Variants in MPDZ observed in about 807,000 individuals in gnomAD.
MPDZ encodes multiple PDZ domain crumbs cell polarity complex component.
Under a neutral mutation model 239.1 loss-of-function variants are expected in MPDZ, and 234 were observed. The ratio of observed to expected loss-of-function variants is 0.98; its 90% CI spans 0.88 to 1.09. The LOEUF (loss-of-function observed/expected upper bound fraction) is 1.09, where lower values mean the gene tolerates loss of function less well. Ranked by LOEUF, MPDZ falls within the 50% of genes least tolerant of loss-of-function variation. The probability of loss-of-function intolerance (pLI) is 0.00; values close to 1 mark genes in which losing one functional copy is unlikely to be tolerated. For synonymous variants in MPDZ, 1,048 were observed against 881.3 expected (o/e 1.19, Z -3.35); for missense variants, 3,175 against 2,510.0 (o/e 1.26, Z -5.66).
Position 13,186,515 on chromosome 9 carries a change from G to A in MPDZ, c.2365-129C>T, listed in dbSNP as rs559368491. 135 of 625,254 alleles carry A rather than the reference G, an allele frequency of 2.2e-4. 2 individuals carry two copies. The African/African-American group carries it at 2.2e-3, about 10-fold the overall frequency. The allele number at this position is 625,254 out of a possible 1,614,324, so 38.7% of individuals were successfully genotyped here. A position where few individuals can be genotyped will look rare whatever the true frequency, so the allele number is the denominator to read the frequency against. Reference sequence around the variant, plus strand: ...GAAAGAAATTGGAAAGTTTTCAAACGATATGACTTCAACATAGAATGGTAA... The same window carrying A: ...GAAAGAAATTGGAAAGTTTTCAAACAATATGACTTCAACATAGAATGGTAA... On this transcript the variant is annotated intron_variant, in intron 17 of 46. Coordinates refer to ENST00000319217, the MANE Select transcript of MPDZ (RefSeq NM_001378778.1).
At chr9:13,250,485 G>T (rs1227510518) in intron 1 of MPDZ, 113 bp from the exon 2 acceptor site, 1 of 589,622 alleles carries the variant, frequency 1.7e-6, no homozygotes, top group Non-Finnish European at 2.9e-6. Context: ...TTAAAATCTT[G>T]TTGATACAAC....
chr9:13,253,639 C>A (rs952327400), intron 1 of MPDZ, among the ~76,000 whole-genome samples: 1 of 152,152 alleles, frequency 6.6e-6, no homozygotes, highest in Non-Finnish European at 1.5e-5. Flanking sequence ...GGGTCATGGC[C>A]AACTGGCATG....
rs191190036 is a variant in MPDZ at position 13,224,556 on chromosome 9, T to A, written c.211A>T (p.Asn71Tyr). ...TGAGGAACGTGGGCATATTCAATAT[T>A]TGAAGTTGCTGAAGTTGCAATATTT... ...QVNIATSATS[N>Y]IEYAHVPHLS... is the part of the protein sequence containing the mutation. The change falls in exon 4 of 47, where the codon AAT (asparagine) becomes TAT (tyrosine). Residue 71 changes from asparagine (N) to tyrosine (Y), a missense_variant. By Grantham distance (143) the Asn-to-Tyr change is moderately radical. Coordinates refer to ENST00000319217, the MANE Select transcript of MPDZ (RefSeq NM_001378778.1). 1.2e-6 allele frequency: 2 copies of A among 1,611,040 alleles called. No homozygotes were observed. Among genetic ancestry groups the A allele is most frequent in the East Asian group, 4.5e-5 (2 of 44,746 alleles).
At chr9:13,231,770 T>C (rs1339306723) in intron 3 of MPDZ, among the ~76,000 whole-genome samples, 1 of 151,866 alleles carries the variant, frequency 6.6e-6, no homozygotes, top group Non-Finnish European at 1.5e-5. Context: ...ATAACCTCAA[T>C]TGCCAACTCT....
intron 46 of MPDZ, among the ~76,000 whole-genome samples, chr9:13,108,504 T>C (rs1470519416): frequency 6.6e-6 from 1 of 152,114 alleles, no homozygotes; most frequent in African/African-American, 2.4e-5. Context: ...AAATAAATGC[T>C]TATTAATTTT....
At chr9:13,263,112 G>A (rs969747123) in intron 1 of MPDZ, among the ~76,000 whole-genome samples, 25 of 152,100 alleles carry the variant, frequency 1.6e-4, no homozygotes, top group African/African-American at 5.8e-4. Context: ...TGCATAAAAT[G>A]ATATAATGTC....
chr9:13,224,661 G>T, intron 3 of MPDZ, 78 bp from the exon 4 acceptor site: 1 of 964,960 alleles, frequency 1.0e-6, no homozygotes, highest in Non-Finnish European at 1.5e-6. Flanking sequence ...AGGGTACAAG[G>T]ACATACAAAT....
chr9:13,157,965 T>C lies in MPDZ; in HGVS notation c.3452+53A>G, dbSNP rs969270049. On this transcript the variant is annotated intron_variant, in intron 24 of 46. Coordinates refer to ENST00000319217, the MANE Select transcript of MPDZ (RefSeq NM_001378778.1). The stretch of plus-strand genomic sequence containing the variant: ...CAGTACTTGAAACCACACCTGCTTA[T>C]CTTTAAACACTATATATCCATTGGG... 1.6e-5 allele frequency: 24 copies of C among 1,487,990 alleles called. No individual in the cohort carries two copies. In the South Asian group the frequency reaches 2.0e-4, roughly 12 times the overall value. 92.2% of individuals were successfully genotyped at this position (1,487,990 alleles called of 1,614,324 possible).
chr9:13,264,054 A>G (rs1971277775), intron 1 of MPDZ, among the ~76,000 whole-genome samples: 2 of 152,178 alleles, frequency 1.3e-5, no homozygotes, highest in South Asian at 4.1e-4. Flanking sequence ...TTTTCCTATT[A>G]ATTTTCTAAT....
rs938355737 is a variant in MPDZ at position 13,166,813 on chromosome 9, G to C, written c.3254+1553C>G. 7.2e-5 allele frequency among the ~76,000 whole-genome samples: 11 copies of C among 152,012 alleles called. No homozygotes were observed. The East Asian group carries it at 2.1e-3, about 29-fold the overall frequency. On this transcript the variant is annotated intron_variant, in intron 22 of 46. Coordinates refer to ENST00000319217, the MANE Select transcript of MPDZ (RefSeq NM_001378778.1). ...ATACACAACAAAAAAATGAGGAAAG[G>C]GGAAAAAAGACTTTGAGCCTGAAAA...
At position 13,112,955 on chromosome 9, in the gene MPDZ, T is replaced by C. The variant is rs2131202688; in HGVS notation, c.5601+56A>G. 5 of 1,447,400 alleles carry C rather than the reference T, an allele frequency of 3.5e-6. No individual in the cohort carries two copies. In the South Asian group the frequency reaches 3.7e-5, roughly 11 times the overall value. 89.7% of individuals were successfully genotyped at this position (1,447,400 alleles called of 1,614,324 possible). A position where few individuals can be genotyped will look rare whatever the true frequency, so the allele number is the denominator to read the frequency against. ...GTAAGAAAGTTAACAAGAAAACACATATGAAGATGTCTCTTAAAACGCCAG... is the reference window on the plus strand; with the variant it reads ...GTAAGAAAGTTAACAAGAAAACACACATGAAGATGTCTCTTAAAACGCCAG... On this transcript the variant is annotated intron_variant, in intron 42 of 46. Coordinates refer to ENST00000319217, the MANE Select transcript of MPDZ (RefSeq NM_001378778.1).
chr9:13,257,239 T>C (rs139418854), intron 1 of MPDZ, among the ~76,000 whole-genome samples: 1 of 152,280 alleles, frequency 6.6e-6, no homozygotes, highest in Non-Finnish European at 1.5e-5. Flanking sequence ...GCTAGGCAAG[T>C]GCAGTTTATA....
intron 1 of MPDZ, among the ~76,000 whole-genome samples, chr9:13,265,805 G>C (rs1035792022): frequency 6.6e-6 from 1 of 152,234 alleles, no homozygotes; most frequent in Middle Eastern, 3.4e-3. Flanking sequence ...TGACTGAGTG[G>C]CTCCTCAGGG....
intron 1 of MPDZ, among the ~76,000 whole-genome samples, chr9:13,274,183 T>C (rs973089756): frequency 7.2e-5 from 11 of 152,170 alleles, no homozygotes; most frequent in African/African-American, 2.7e-4. Context: ...TTTACTAAAA[T>C]AAATAATTAC....
chr9:13,175,635 A>G (rs1952369655), intron 21 of MPDZ, 117 bp downstream of exon 21: 1 of 1,095,896 alleles, frequency 9.1e-7, no homozygotes, highest in African/African-American at 1.6e-5. Flanking sequence ...ACTACAGGAA[A>G]ATTTCTACCA....
chr9:13,235,288 A>T (rs1389752), intron 3 of MPDZ, among the ~76,000 whole-genome samples: 125,890 of 152,122 alleles, frequency 0.83, 52,540 homozygotes, highest in East Asian at 0.99. Flanking sequence ...ATGAGACACA[A>T]AATGGAGCAA....
chr9:13,109,442 G>A (rs1447018762), intron 45 of MPDZ, among the ~76,000 whole-genome samples: 1 of 152,114 alleles, frequency 6.6e-6, no homozygotes, highest in African/African-American at 2.4e-5. Flanking sequence ...AGCTCAGAGA[G>A]AAAAATCAAT....
chr9:13,223,889 G>T (rs891414053), intron 4 of MPDZ, among the ~76,000 whole-genome samples, 179 bp from the exon 5 acceptor site: 5 of 151,822 alleles, frequency 3.3e-5, no homozygotes, highest in Admixed American at 2.6e-4. Flanking sequence ...ATAAAACTTA[G>T]TAAGTGTGGT....
chr9:13,114,086 T>C, intron 40 of MPDZ, 65 bp from the exon 41 acceptor site: 1 of 1,234,954 alleles, frequency 8.1e-7, no homozygotes, highest in East Asian at 2.6e-5. Context: ...ATACCACTTA[T>C]TTCAGAATTT....
Sources: allele counts gnomAD v4.1 joint callset (sites outside exome capture counted in the v4.1 genomes callset), GRCh38; gene constraint gnomAD v4.1.1; transcripts MANE v1.5; gene names NCBI Gene and HGNC (gene_info 2026-07-23, HGNC 2026-07-21).